CSTPP1: variants seen among roughly 807,000 people sequenced by gnomAD.
The protein encoded by CSTPP1 is centriolar satellite-associated tubulin polyglutamylase complex regulator 1, also known as UPF0705 protein C11orf49.
chr11:47,156,849 C>A, the CSTPP1 span, among the ~76,000 whole-genome samples: 1 of 152,240 alleles, frequency 6.6e-6, no homozygotes, highest in Non-Finnish European at 1.5e-5. Flanking sequence ...TGTCATCTCT[C>A]ATCAATGTGT....
chr11:47,035,325 G>A, the CSTPP1 span, among the ~76,000 whole-genome samples: 6 of 152,140 alleles, frequency 3.9e-5, no homozygotes, highest in Non-Finnish European at 8.8e-5. Context: ...GTGACACTTC[G>A]TATGGGTCCG....
the CSTPP1 span, among the ~76,000 whole-genome samples, chr11:46,961,034 T>C: frequency 6.6e-6 from 1 of 152,212 alleles, no homozygotes; most frequent in Non-Finnish European, 1.5e-5. Context: ...GCTGTGAACA[T>C]CTGTATACAA....
chr11:47,164,268 C>T, the CSTPP1 span: 58 of 1,607,596 alleles, frequency 3.6e-5, no homozygotes, highest in Non-Finnish European at 4.9e-5. Context: ...GGGGCCGGCA[C>T]TGGGCAGGGA....
At chr11:47,058,450 T>G in the CSTPP1 span, among the ~76,000 whole-genome samples, 4 of 152,122 alleles carry the variant, frequency 2.6e-5, no homozygotes, top group Non-Finnish European at 4.4e-5. Flanking sequence ...GATGATGGAA[T>G]TAACTAACAA....
the CSTPP1 span, among the ~76,000 whole-genome samples, chr11:47,066,108 T>TG: frequency 1.4e-5 from 2 of 143,124 alleles, no homozygotes; most frequent in East Asian, 4.2e-4. Flanking sequence ...TTTTTTTTTT[T>TG]TTTTTTTTTG....
the CSTPP1 span, among the ~76,000 whole-genome samples, chr11:47,011,209 G>A: frequency 6.6e-6 from 1 of 152,116 alleles, no homozygotes; most frequent in African/African-American, 2.4e-5. Context: ...AAAAAAAACT[G>A]TGAATTATCC....
chr11:47,159,792 G>A, the CSTPP1 span: 1 of 443,778 alleles, frequency 2.3e-6, no homozygotes. Context: ...ATCACCTGAG[G>A]TCAGGAGTTC....
chr11:47,005,308 T>A, the CSTPP1 span, among the ~76,000 whole-genome samples: 1 of 152,178 alleles, frequency 6.6e-6, no homozygotes, highest in African/African-American at 2.4e-5. Flanking sequence ...CTTCATCCCT[T>A]TACAAAAATA....
the CSTPP1 span, among the ~76,000 whole-genome samples, chr11:47,143,435 G>A: frequency 1.3e-5 from 2 of 152,222 alleles, no homozygotes; most frequent in African/African-American, 4.8e-5. Flanking sequence ...GTGATGATGT[G>A]TGCGTAAAAG....
At chr11:47,013,211 T>TTA in the CSTPP1 span, among the ~76,000 whole-genome samples, 28 of 148,780 alleles carry the variant, frequency 1.9e-4, no homozygotes, top group African/African-American at 5.6e-4. Context: ...ATATAAATGG[T>TTA]TATATATATA....
At chr11:47,101,199 T>TTTTTTTC in the CSTPP1 span, among the ~76,000 whole-genome samples, 2 of 139,180 alleles carry the variant, frequency 1.4e-5, no homozygotes, top group African/African-American at 2.7e-5. Flanking sequence ...TATTTTATTT[T>TTTTTTTC]TAGTAGAGAT....
At chr11:47,044,374 A>G in the CSTPP1 span, among the ~76,000 whole-genome samples, 12 of 151,916 alleles carry the variant, frequency 7.9e-5, no homozygotes, top group Non-Finnish European at 1.5e-4. Flanking sequence ...CTCAGCCAAT[A>G]TATATACATG....
chr11:47,100,879 T>G, the CSTPP1 span, among the ~76,000 whole-genome samples: 11 of 152,210 alleles, frequency 7.2e-5, no homozygotes, highest in Non-Finnish European at 1.2e-4. Context: ...TTGCTTTTGT[T>G]TTTAATAGAA....
the CSTPP1 span, among the ~76,000 whole-genome samples, chr11:46,953,646 T>A: frequency 6.6e-6 from 1 of 152,236 alleles, no homozygotes; most frequent in Non-Finnish European, 1.5e-5. Context: ...TGTTTTATTA[T>A]ATATGTATAA....
chr11:47,034,653 A>G, the CSTPP1 span, among the ~76,000 whole-genome samples: 1 of 151,996 alleles, frequency 6.6e-6, no homozygotes, highest in Non-Finnish European at 1.5e-5. Flanking sequence ...GGCTTGTGCC[A>G]CCACAGTCGG....
At chr11:46,962,353 G>A in the CSTPP1 span, among the ~76,000 whole-genome samples, 2 of 152,210 alleles carry the variant, frequency 1.3e-5, no homozygotes, top group Non-Finnish European at 2.9e-5. Context: ...AATAAGTTTT[G>A]AAATTGGGAA....
chr11:46,994,391 T>A, the CSTPP1 span, among the ~76,000 whole-genome samples: 3 of 152,224 alleles, frequency 2.0e-5, no homozygotes, highest in Non-Finnish European at 4.4e-5. Context: ...TTTTGCCCAT[T>A]CAGTATGATA....
the CSTPP1 span, among the ~76,000 whole-genome samples, chr11:46,940,208 G>A: frequency 6.6e-5 from 10 of 152,222 alleles, no homozygotes; most frequent in East Asian, 5.8e-4. Context: ...GAGCTTCTTC[G>A]TTCTTCATGA....
the CSTPP1 span, among the ~76,000 whole-genome samples, chr11:47,099,887 C>T: frequency 6.6e-6 from 1 of 152,178 alleles, no homozygotes; most frequent in African/African-American, 2.4e-5. Flanking sequence ...CTCCTCACTG[C>T]CCTTTCCAAT....
Sources: gnomAD v4.1 joint callset for allele counts (sites outside exome capture counted in the v4.1 genomes callset) on GRCh38, gnomAD v4.1.1 for gene constraint, MANE v1.5 for transcripts, NCBI Gene and HGNC (gene_info 2026-07-23, HGNC 2026-07-21) for gene names.